The following DGKI variants were observed in gnomAD, a reference collection of about 807,000 sequenced individuals.
DGKI encodes diacylglycerol kinase iota, also known as DAG kinase iota.
Under a neutral mutation model 147.5 loss-of-function variants are expected in DGKI, and 55 were observed. The ratio of observed to expected loss-of-function variants is 0.37; its 90% CI spans 0.30 to 0.47. DGKI has a LOEUF of 0.47. Ranked by LOEUF, DGKI falls within the 20% of genes least tolerant of loss-of-function variation. The probability of loss-of-function intolerance (pLI) is 1.00; values close to 1 mark genes in which losing one functional copy is unlikely to be tolerated. For synonymous variants in DGKI, 469 were observed against 477.1 expected (o/e 0.98, Z 0.22); for missense variants, 1,007 against 1,323.8 (o/e 0.76, Z 3.71).
chr7:137,465,883 C>T (rs747526932), intron 26 of DGKI, 25 bp downstream of exon 26: 2 of 1,610,206 alleles, frequency 1.2e-6, no homozygotes, highest in African/African-American at 2.7e-5. Context: ...AGGCCAGCCT[C>T]ACAGGCCAGG....
At chr7:137,675,636 G>A (rs1451137161) in intron 3 of DGKI, among the ~76,000 whole-genome samples, 3 of 137,642 alleles carry the variant, frequency 2.2e-5, no homozygotes, top group African/African-American at 8.1e-5. Context: ...AGTGAGCCGA[G>A]ATCACACCAC....
At chr7:137,784,273 G>C (rs1796602202) in intron 1 of DGKI, among the ~76,000 whole-genome samples, 1 of 152,076 alleles carries the variant, frequency 6.6e-6, no homozygotes, top group South Asian at 2.1e-4. Flanking sequence ...CAAAGGGGTA[G>C]AAAAAGATAT....
Position 137,472,352 on chromosome 7 carries a change from ATG to A in DGKI, c.2374-2735_2374-2734del, listed in dbSNP as rs1374733943. On this transcript the variant is annotated intron_variant, in intron 23 of 32. Coordinates refer to ENST00000614521, the MANE Select transcript of DGKI (RefSeq NM_001321708.2). ...ATGTATATATACATATAATTATTATATGTATATATACATATAATTATTATATG... is the reference window on the plus strand; with the variant it reads ...ATGTATATATACATATAATTATTATATATATATACATATAATTATTATATG... Among the ~76,000 whole-genome samples, 983 of 115,288 alleles carry A rather than the reference ATG, an allele frequency of 8.5e-3. 175 individuals carry two copies. The highest frequency in any genetic ancestry group is 0.04 in the African/African-American group (930 of 23,186). The allele number at this position is 115,288 out of a possible 152,430, so 75.6% of individuals were successfully genotyped here.
chr7:137,669,641 T>C (rs1267752810), intron 3 of DGKI, among the ~76,000 whole-genome samples: 4 of 152,250 alleles, frequency 2.6e-5, no homozygotes, highest in African/African-American at 9.6e-5. Flanking sequence ...ACAGAAAAGA[T>C]GACAATTATT....
intron 28 of DGKI, among the ~76,000 whole-genome samples, chr7:137,414,942 T>C (rs780476969): frequency 6.6e-6 from 1 of 152,218 alleles, no homozygotes; most frequent in Non-Finnish European, 1.5e-5. Flanking sequence ...TAAAGTGTTT[T>C]ATAAATAGGT....
chr7:137,532,725 C>T (rs1817384140), intron 20 of DGKI, among the ~76,000 whole-genome samples: 1 of 152,108 alleles, frequency 6.6e-6, no homozygotes, highest in African/African-American at 2.4e-5. Context: ...TCCCGCTTTC[C>T]CAATTCAGCC....
chr7:137,422,823 C>T (rs1038839026), intron 28 of DGKI, among the ~76,000 whole-genome samples: 1 of 151,946 alleles, frequency 6.6e-6, no homozygotes, highest in African/African-American at 2.4e-5. Flanking sequence ...CCAGGATGGT[C>T]TCGATCTCCT....
At chr7:137,648,946 G>T (rs985094681) in intron 5 of DGKI, among the ~76,000 whole-genome samples, 4 of 152,120 alleles carry the variant, frequency 2.6e-5, no homozygotes, top group Non-Finnish European at 5.9e-5. Context: ...GAAAACTAAG[G>T]CATGGATTGA....
chr7:137,762,215 C>T (rs1795877996), intron 1 of DGKI, among the ~76,000 whole-genome samples: 1 of 152,152 alleles, frequency 6.6e-6, no homozygotes, highest in Admixed American at 6.5e-5. Flanking sequence ...AACAGTATAT[C>T]CCAAACTTAA....
rs1795122692 is a variant in DGKI at position 137,739,680 on chromosome 7, A to C, written c.402-49678T>G. Among the ~76,000 whole-genome samples, 7 of 152,138 alleles carry C rather than the reference A, an allele frequency of 4.6e-5. No homozygotes were observed. The South Asian group carries it at 1.5e-3, about 32-fold the overall frequency. Reference sequence around the variant, plus strand: ...ATGGCCAATGACAGAGTAACTATAAAAGGGTTTAGCGAATGTAAAAAGTGC... The same window carrying C: ...ATGGCCAATGACAGAGTAACTATAACAGGGTTTAGCGAATGTAAAAAGTGC... On this transcript the variant is annotated intron_variant, in intron 1 of 32. Coordinates refer to ENST00000614521, the MANE Select transcript of DGKI (RefSeq NM_001321708.2).
chr7:137,677,169 T>A (rs952499113), intron 3 of DGKI, among the ~76,000 whole-genome samples: 2 of 152,228 alleles, frequency 1.3e-5, no homozygotes, highest in Non-Finnish European at 2.9e-5. Flanking sequence ...AAAATACATA[T>A]GCATAAAGTT....
At chr7:137,559,224 A>G (rs1009606630) in intron 19 of DGKI, among the ~76,000 whole-genome samples, 1 of 149,900 alleles carries the variant, frequency 6.7e-6, no homozygotes, top group Admixed American at 6.6e-5. Context: ...GGCGCCCGCC[A>G]CTACGCCCGG....
At chr7:137,464,494 C>G (rs987882114) in intron 26 of DGKI, among the ~76,000 whole-genome samples, 1 of 152,098 alleles carries the variant, frequency 6.6e-6, no homozygotes, top group African/African-American at 2.4e-5. Context: ...ACGAAGTTGG[C>G]CTTCCCCACC....
chr7:137,477,894 C>A (rs940271455), intron 23 of DGKI, among the ~76,000 whole-genome samples: 5 of 152,144 alleles, frequency 3.3e-5, no homozygotes, highest in African/African-American at 1.2e-4. Flanking sequence ...CTGCTGGGCT[C>A]AAGCGATCTG....
intron 21 of DGKI, among the ~76,000 whole-genome samples, chr7:137,493,037 A>AGT (rs1347828415): frequency 6.6e-6 from 1 of 151,802 alleles, no homozygotes; most frequent in Non-Finnish European, 1.5e-5. Flanking sequence ...CCATTTTGCC[A>AGT]GTGTGTGTGT....
intron 1 of DGKI, among the ~76,000 whole-genome samples, chr7:137,784,052 A>G (rs1201312225): frequency 6.6e-6 from 1 of 152,218 alleles, no homozygotes; most frequent in Non-Finnish European, 1.5e-5. Flanking sequence ...TATAACAATA[A>G]CACAGTGTAA....
intron 1 of DGKI, among the ~76,000 whole-genome samples, chr7:137,820,339 A>G (rs943994673): frequency 6.6e-6 from 1 of 152,154 alleles, no homozygotes; most frequent in African/African-American, 2.4e-5. Context: ...TTCCACATCC[A>G]CCCACTGCCC....
intron 1 of DGKI, among the ~76,000 whole-genome samples, chr7:137,699,138 T>G (rs566725119): frequency 6.6e-6 from 1 of 152,274 alleles, no homozygotes; most frequent in African/African-American, 2.4e-5. Flanking sequence ...AAGGTGTCAT[T>G]TCACTGGATC....
At chr7:137,677,145 T>C (rs542736269) in intron 3 of DGKI, among the ~76,000 whole-genome samples, 12 of 152,338 alleles carry the variant, frequency 7.9e-5, no homozygotes, top group Admixed American at 6.5e-4. Flanking sequence ...TTCCATGCAA[T>C]TATACTTTAA....
Sources: allele counts gnomAD v4.1 joint callset (sites outside exome capture counted in the v4.1 genomes callset), GRCh38; gene constraint gnomAD v4.1.1; transcripts MANE v1.5; gene names NCBI Gene and HGNC (gene_info 2026-07-23, HGNC 2026-07-21).